TMEM132D: variants seen among roughly 807,000 people sequenced by gnomAD.
TMEM132D encodes the protein mature OL transmembrane protein.
A neutral mutation model predicts 62.3 loss-of-function variants in TMEM132D; 21 were observed. The observed-to-expected ratio is 0.34, with a 90% CI of 0.24 to 0.49. The LOEUF is 0.49. Ranked by LOEUF, TMEM132D falls within the 20% of genes least tolerant of loss-of-function variation. The pLI is 0.99. For synonymous variants in TMEM132D, 621 were observed against 575.6 expected (o/e 1.08, Z -1.13); for missense variants, 1,346 against 1,402.8 (o/e 0.96, Z 0.65).
At chr12:129,343,774 A>C (rs527766337) in intron 3 of TMEM132D, among the ~76,000 whole-genome samples, 28 of 150,924 alleles carry the variant, frequency 1.9e-4, no homozygotes, top group South Asian at 6.3e-4. Context: ...AAAAAAACAA[A>C]AAAAAAAAAC....
At chr12:129,895,017 C>A (rs188325488) in intron 1 of TMEM132D, among the ~76,000 whole-genome samples, 1 of 152,260 alleles carries the variant, frequency 6.6e-6, no homozygotes, top group Admixed American at 6.5e-5. Flanking sequence ...CTGAGGTTTG[C>A]GCGAAGGAGC....
At position 129,547,067 on chromosome 12, in the gene TMEM132D, C is replaced by T. The variant is rs78843390; in HGVS notation, c.969-15862G>A. 9.5e-3 allele frequency among the ~76,000 whole-genome samples: 1,439 copies of T among 152,238 alleles called. 12 individuals are homozygous for T. Among genetic ancestry groups the T allele is most frequent in the Non-Finnish European group, 0.017 (1,137 of 68,016 alleles). On this transcript the variant is annotated intron_variant, in intron 2 of 8. Transcript: ENST00000422113. ...CTAGAAGTCAGAAATCACTAGCTCT[C>T]AAGGCCTTGCTTCCTCTGGGGCTCT...
chr12:129,294,464 G>A (rs1404053073), intron 4 of TMEM132D, among the ~76,000 whole-genome samples: 1 of 140,938 alleles, frequency 7.1e-6, no homozygotes, highest in African/African-American at 2.5e-5. Flanking sequence ...GCTTAACACA[G>A]GGCCTCTCAC....
intron 4 of TMEM132D, among the ~76,000 whole-genome samples, chr12:129,261,033 T>A (rs1880537519): frequency 6.6e-6 from 1 of 152,120 alleles, no homozygotes; most frequent in Non-Finnish European, 1.5e-5. Flanking sequence ...TACCCAAGAG[T>A]GGGATTGCTG....
intron 2 of TMEM132D, among the ~76,000 whole-genome samples, chr12:129,613,332 A>C (rs781631587): frequency 6.6e-6 from 1 of 152,180 alleles, no homozygotes; most frequent in African/African-American, 2.4e-5. Context: ...CAAAGGTCTC[A>C]TGTAAGTTGA....
intron 1 of TMEM132D, among the ~76,000 whole-genome samples, chr12:129,862,247 G>A (rs561441321): frequency 6.6e-6 from 1 of 152,322 alleles, no homozygotes; most frequent in South Asian, 2.1e-4. Flanking sequence ...GCTGGTTTAG[G>A]AAGCCACACA....
chr12:129,868,640 G>T (rs1874144983), intron 1 of TMEM132D, among the ~76,000 whole-genome samples: 1 of 152,198 alleles, frequency 6.6e-6, no homozygotes, highest in Admixed American at 6.5e-5. Context: ...CTGTAAGCAG[G>T]TGCCATCTGC....
chr12:129,597,330 C>G (rs747440794), intron 2 of TMEM132D, among the ~76,000 whole-genome samples: 1 of 152,186 alleles, frequency 6.6e-6, no homozygotes, highest in Non-Finnish European at 1.5e-5. Context: ...CATTGGTAAC[C>G]AGAATGTCAT....
At chr12:129,422,876 GTA>G (rs72183607) in intron 3 of TMEM132D, among the ~76,000 whole-genome samples, 51,078 of 148,464 alleles carry the variant, frequency 0.34, 9,205 homozygotes, top group Non-Finnish European at 0.42. Flanking sequence ...ACATATATGT[GTA>G]TATATATATA....
At chr12:129,692,640 A>G (rs182891836) in intron 2 of TMEM132D, among the ~76,000 whole-genome samples, 201 of 152,368 alleles carry the variant, frequency 1.3e-3, no homozygotes, top group African/African-American at 4.5e-3. Flanking sequence ...AATGTGGTAC[A>G]TAGACACCAT....
chr12:129,449,534 CAGGCT>C (rs1249900141), intron 3 of TMEM132D, among the ~76,000 whole-genome samples: 1 of 152,164 alleles, frequency 6.6e-6, no homozygotes. Flanking sequence ...TCTCCTTGGT[CAGGCT>C]AGACAGCAAT....
chr12:129,723,047 T>C (rs1166681410), intron 1 of TMEM132D, among the ~76,000 whole-genome samples: 1 of 152,174 alleles, frequency 6.6e-6, no homozygotes, highest in East Asian at 1.9e-4. Flanking sequence ...CGGCCGATCC[T>C]GGCTATTTCC....
At chr12:129,115,621 C>T (rs539764085) in intron 5 of TMEM132D, among the ~76,000 whole-genome samples, 2 of 152,268 alleles carry the variant, frequency 1.3e-5, no homozygotes, top group African/African-American at 4.8e-5. Context: ...TTTTCAGATG[C>T]AGAATAAAAA....
At chr12:129,150,537 C>T (rs904173744) in intron 5 of TMEM132D, among the ~76,000 whole-genome samples, 3 of 152,198 alleles carry the variant, frequency 2.0e-5, no homozygotes, top group African/African-American at 7.2e-5. Context: ...TTACTAGCCC[C>T]ATTTCACAGA....
chr12:129,754,668 C>T (rs1831415106), intron 1 of TMEM132D, among the ~76,000 whole-genome samples: 1 of 152,004 alleles, frequency 6.6e-6, no homozygotes, highest in South Asian at 2.1e-4. Flanking sequence ...AAAGGGATGG[C>T]CATAAAATTC....
At chr12:129,232,983 G>A (rs556820883) in intron 4 of TMEM132D, among the ~76,000 whole-genome samples, 1 of 152,138 alleles carries the variant, frequency 6.6e-6, no homozygotes, top group Non-Finnish European at 1.5e-5. Context: ...TGACATGCAG[G>A]GATTATAATT....
chr12:129,563,648 C>A (rs1877296341), intron 2 of TMEM132D, among the ~76,000 whole-genome samples: 1 of 152,050 alleles, frequency 6.6e-6, no homozygotes. Context: ...TAAAGTTGTC[C>A]TTTTAGGATA....
chr12:129,284,677 G>A (rs943625537), intron 4 of TMEM132D, among the ~76,000 whole-genome samples: 7 of 152,178 alleles, frequency 4.6e-5, no homozygotes, highest in African/African-American at 7.2e-5. Flanking sequence ...GCCCATTGGC[G>A]GATGCATGGA....
At chr12:129,283,366 A>G (rs922315344) in intron 4 of TMEM132D, among the ~76,000 whole-genome samples, 3 of 151,908 alleles carry the variant, frequency 2.0e-5, no homozygotes, top group Non-Finnish European at 4.4e-5. Context: ...TAATTGTTGT[A>G]TTTTTAGTAG....
Sources: gnomAD v4.1 joint callset for allele counts (sites outside exome capture counted in the v4.1 genomes callset) on GRCh38, gnomAD v4.1.1 for gene constraint, MANE v1.5 for transcripts, NCBI Gene and HGNC (gene_info 2026-07-23, HGNC 2026-07-21) for gene names.